SH3KBP1: variants seen among roughly 807,000 people sequenced by gnomAD.
The protein encoded by SH3KBP1 is SH3 domain containing kinase binding protein 1.
In SH3KBP1, 8 loss-of-function variants were observed where a neutral mutation model predicts 50.1. The observed-to-expected ratio is 0.16, with a 90% CI of 0.09 to 0.29. The LOEUF is 0.29. SH3KBP1 is among the 10% of genes least tolerant of loss of function. The probability of loss-of-function intolerance (pLI) is 1.00; values close to 1 mark genes in which losing one functional copy is unlikely to be tolerated. For missense variants in SH3KBP1, 377 were observed against 535.2 expected (o/e 0.70, Z 2.92); for synonymous variants, 227 against 218.6 (o/e 1.04, Z -0.34).
intron 2 of SH3KBP1, among the ~76,000 whole-genome samples, chrX:19,759,876 G>A (rs1487777180): frequency 9.0e-6 from 1 of 110,752 alleles, no homozygotes; most frequent in African/African-American, 3.3e-5. Context: ...TGGGAGGAGG[G>A]GGGTGACATT....
chrX:19,794,626 T>G (rs1411552584), intron 2 of SH3KBP1, among the ~76,000 whole-genome samples: 1 of 108,658 alleles, frequency 9.2e-6, no homozygotes, highest in Non-Finnish European at 1.9e-5. Flanking sequence ...TGGCATGAAC[T>G]CGGGAGGCAG....
intron 2 of SH3KBP1, among the ~76,000 whole-genome samples, chrX:19,758,676 C>T (rs1163912400): frequency 9.0e-6 from 1 of 111,395 alleles, no homozygotes; most frequent in Admixed American, 9.5e-5. Flanking sequence ...TGTTAAATCA[C>T]GTGCTAGATA....
At chrX:19,840,204 C>T (rs760666287) in intron 1 of SH3KBP1, among the ~76,000 whole-genome samples, 1 of 111,745 alleles carries the variant, frequency 8.9e-6, no homozygotes, top group East Asian at 2.8e-4. Context: ...TTCCAGTGCC[C>T]TCTGCAAGCC....
chrX:19,720,190 T>C (rs1398470127), intron 3 of SH3KBP1, among the ~76,000 whole-genome samples: 1 of 111,179 alleles, frequency 9.0e-6, no homozygotes, highest in Non-Finnish European at 1.9e-5. Flanking sequence ...GTGACGTCTC[T>C]AAACGTCCCT....
At chrX:19,556,064 T>C (rs1197859084) in intron 13 of SH3KBP1, among the ~76,000 whole-genome samples, 2 of 112,019 alleles carry the variant, frequency 1.8e-5, no homozygotes, top group Non-Finnish European at 3.8e-5. Flanking sequence ...GATTATTAAA[T>C]ACATTAACAA....
intron 2 of SH3KBP1, 124 bp downstream of exon 2, chrX:19,836,001 T>C (rs916145176): frequency 2.9e-5 from 18 of 623,432 alleles, no homozygotes; most frequent in Non-Finnish European, 3.8e-5. Flanking sequence ...CTTCTCTTGA[T>C]ATCACAGAGG....
At chrX:19,735,726 G>A (rs1205888145) in intron 3 of SH3KBP1, among the ~76,000 whole-genome samples, 2 of 62,949 alleles carry the variant, frequency 3.2e-5, no homozygotes, top group African/African-American at 6.7e-5. Context: ...TTTTTTGGCG[G>A]GGGGGGGGGG....
chrX:19,843,894 C>T, intron 1 of SH3KBP1, among the ~76,000 whole-genome samples: 1 of 111,709 alleles, frequency 9.0e-6, no homozygotes, highest in Middle Eastern at 4.6e-3. Flanking sequence ...TTGTCACTTG[C>T]TGCTTTCCAC....
chrX:19,803,047 G>A (rs976314957), intron 2 of SH3KBP1, among the ~76,000 whole-genome samples: 1 of 110,746 alleles, frequency 9.0e-6, no homozygotes, highest in African/African-American at 3.3e-5. Context: ...CAGGACACAG[G>A]GGGCAGCTTG....
chrX:19,855,407 G>A (rs1005369945), intron 1 of SH3KBP1, among the ~76,000 whole-genome samples: 3 of 112,525 alleles, frequency 2.7e-5, no homozygotes, highest in Non-Finnish European at 5.6e-5. Context: ...AAACATAAAT[G>A]AGTGAGGCTG....
chrX:19,581,853 TAAAAAAAA>T (rs35059308), intron 12 of SH3KBP1, among the ~76,000 whole-genome samples: 1 of 75,642 alleles, frequency 1.3e-5, no homozygotes, highest in South Asian at 7.6e-4. Flanking sequence ...ACTACAGGTT[TAAAAAAAA>T]AAAAAAAAAA....
intron 7 of SH3KBP1, among the ~76,000 whole-genome samples, chrX:19,642,069 TG>T (rs1199372718): frequency 8.9e-6 from 1 of 111,780 alleles, no homozygotes; most frequent in Admixed American, 9.5e-5. Flanking sequence ...CTCAAGCTCC[TG>T]GGCTCAAGAG....
At chrX:19,830,300 T>C (rs772761347) in intron 2 of SH3KBP1, among the ~76,000 whole-genome samples, 2 of 108,768 alleles carry the variant, frequency 1.8e-5, no homozygotes, top group Non-Finnish European at 3.8e-5. Flanking sequence ...GAAATAGCAT[T>C]GATCTGGGTG....
intron 1 of SH3KBP1, among the ~76,000 whole-genome samples, chrX:19,855,355 C>T (rs1325173239): frequency 8.9e-6 from 1 of 112,020 alleles, no homozygotes; most frequent in Non-Finnish European, 1.9e-5. Context: ...CACTCTAACA[C>T]CTCAAATCTG....
intron 2 of SH3KBP1, among the ~76,000 whole-genome samples, chrX:19,774,001 C>A (rs987802322): frequency 1.8e-5 from 2 of 109,545 alleles, no homozygotes; most frequent in African/African-American, 6.7e-5. Flanking sequence ...CCTGAGAACA[C>A]CCTGTCACCC....
At chrX:19,634,740 AC>A (rs1270633911) in intron 7 of SH3KBP1, among the ~76,000 whole-genome samples, 1 of 112,118 alleles carries the variant, frequency 8.9e-6, no homozygotes, top group African/African-American at 3.2e-5. Flanking sequence ...CAATCACACT[AC>A]AACTCTGGAT....
At chrX:19,852,508 T>G (rs1367570899) in intron 1 of SH3KBP1, among the ~76,000 whole-genome samples, 1 of 110,073 alleles carries the variant, frequency 9.1e-6, no homozygotes, top group African/African-American at 3.3e-5. Context: ...CCCAGAGAGA[T>G]CAGATAATAT....
At chrX:19,853,150 G>A (rs183413085) in intron 1 of SH3KBP1, among the ~76,000 whole-genome samples, 3 of 112,880 alleles carry the variant, frequency 2.7e-5, no homozygotes, top group East Asian at 2.8e-4. Flanking sequence ...GTGTATGTGC[G>A]TGTGCACGTG....
intron 8 of SH3KBP1, among the ~76,000 whole-genome samples, chrX:19,628,050 A>G (rs1181201229): frequency 8.9e-6 from 1 of 112,549 alleles, no homozygotes; most frequent in Non-Finnish European, 1.9e-5. Flanking sequence ...GAGGAAGAGT[A>G]ACAATCTTCT....
Sources: allele counts gnomAD v4.1 joint callset (sites outside exome capture counted in the v4.1 genomes callset), GRCh38; gene constraint gnomAD v4.1.1; transcripts MANE v1.5; gene names NCBI Gene and HGNC (gene_info 2026-07-23, HGNC 2026-07-21).